AFDN: variants seen among roughly 807,000 people sequenced by gnomAD.
AFDN encodes the protein afadin.
AFDN carries 68 observed loss-of-function variants against 216.6 expected under a neutral mutation model. That is an observed-to-expected ratio of 0.31 (90% CI 0.26 to 0.38). The LOEUF (loss-of-function observed/expected upper bound fraction) is 0.38, where lower values mean the gene tolerates loss of function less well. AFDN is among the 10% of genes least tolerant of loss of function. The pLI is 1.00. For synonymous variants in AFDN, 868 were observed against 853.7 expected, an observed-to-expected ratio of 1.02 and a Z score of -0.29; for missense variants, 2,136 against 2,342.0, an observed-to-expected ratio of 0.91 and a Z score of 1.82.
At chr6:167,923,408 T>G (rs1792072380) in intron 22 of AFDN, among the ~76,000 whole-genome samples, 1 of 152,186 alleles carries the variant, frequency 6.6e-6, no homozygotes, top group Non-Finnish European at 1.5e-5. Flanking sequence ...TTCATACATG[T>G]TAAGAACAAT....
At chr6:167,879,033 G>T (rs999650646) in intron 5 of AFDN, among the ~76,000 whole-genome samples, 1 of 152,146 alleles carries the variant, frequency 6.6e-6, no homozygotes, top group Non-Finnish European at 1.5e-5. Flanking sequence ...TTGTTTTCTT[G>T]TTAGTCTTCT....
chr6:167,950,359 C>A (rs909720652), intron 29 of AFDN, among the ~76,000 whole-genome samples: 1 of 151,922 alleles, frequency 6.6e-6, no homozygotes, highest in African/African-American at 2.4e-5. Context: ...AGATTTTAGA[C>A]TAGCCCTTTG....
At position 167,911,165 on chromosome 6, in the gene AFDN, G is replaced by A; in HGVS notation, c.1831+3G>A. 6.2e-7 allele frequency: 1 copy of A among 1,613,426 alleles called. No individual in the cohort carries two copies. The highest frequency in any genetic ancestry group is 8.5e-7 in the Non-Finnish European group (1 of 1,179,484). On this transcript the variant is annotated splice_donor_region_variant and intron_variant, in intron 14 of 33. Coordinates refer to ENST00000683244, the MANE Select transcript of AFDN (RefSeq NM_001386888.1). ...AAGCATTGAATTCAGGGAAAGTTGT[G>A]AGTAATTTCAGATTTCATTGTCAAT... is the stretch of plus-strand genomic sequence containing the variant.
At position 167,909,723 on chromosome 6, in the gene AFDN, A is replaced by C. The variant is rs542295615; in HGVS notation, c.1770-1378A>C. Among the ~76,000 whole-genome samples, 3 of 152,342 alleles carry C rather than the reference A, an allele frequency of 2.0e-5. No homozygotes were observed. The South Asian group carries it at 6.2e-4, about 32-fold the overall frequency. ...TAAGTATTAGTCTCAGTTTAAGTCAATATTTAACTCAGTAGAGATGTTCAT... is the reference window on the plus strand; with the variant it reads ...TAAGTATTAGTCTCAGTTTAAGTCACTATTTAACTCAGTAGAGATGTTCAT... On this transcript the variant is annotated intron_variant, in intron 13 of 33. Transcript: ENST00000683244.
At chr6:167,891,287 G>C (rs2128340574) in intron 8 of AFDN, among the ~76,000 whole-genome samples, 1 of 151,922 alleles carries the variant, frequency 6.6e-6, no homozygotes, top group South Asian at 2.1e-4. Context: ...TTTAGTGTAT[G>C]GACAATTTTA....
intron 23 of AFDN, among the ~76,000 whole-genome samples, chr6:167,941,977 T>C (rs1794740436): frequency 6.6e-6 from 1 of 152,248 alleles, no homozygotes; most frequent in Non-Finnish European, 1.5e-5. Context: ...GTTGCTTTGT[T>C]AAATTAAGAA....
At chr6:167,883,663 G>A (rs1000557180) in intron 6 of AFDN, among the ~76,000 whole-genome samples, 1 of 152,140 alleles carries the variant, frequency 6.6e-6, no homozygotes, top group Admixed American at 6.6e-5. Flanking sequence ...AAGAAAAAAT[G>A]GACCTACCTT....
At chr6:167,832,099 A>G (rs1259973723) in intron 1 of AFDN, among the ~76,000 whole-genome samples, 1 of 152,240 alleles carries the variant, frequency 6.6e-6, no homozygotes, top group Admixed American at 6.5e-5. Flanking sequence ...GATAGTATAT[A>G]GGATATACCC....
rs539600356 is a variant in AFDN at position 167,962,405 on chromosome 6, A to C, written c.4834-28A>C. On this transcript the variant is annotated intron_variant, in intron 30 of 33. Transcript: ENST00000683244. This position sits in a 1 kb window ranked among gnomAD's most constrained non-coding sequence, Gnocchi z 5.2. The stretch of plus-strand genomic sequence containing the variant: ...TGTCTTGTGCTGGTGGAGTTTGTGG[A>C]GGGAGATTAATGTCAGCCTGTTGTT... 1.6e-5 allele frequency: 25 copies of C among 1,612,106 alleles called. No homozygotes were observed. Among genetic ancestry groups the C allele is most frequent in the African/African-American group, 4.0e-5 (3 of 74,874 alleles).
chr6:167,909,619 G>C (rs1167379182), intron 13 of AFDN, among the ~76,000 whole-genome samples: 1 of 152,122 alleles, frequency 6.6e-6, no homozygotes, highest in East Asian at 1.9e-4. Flanking sequence ...TGTTGTTGAA[G>C]TCACTAATGA....
chr6:167,878,607 G>GTCTCTCTCTCTC (rs10677317), intron 5 of AFDN, among the ~76,000 whole-genome samples: 48 of 149,304 alleles, frequency 3.2e-4, no homozygotes, highest in African/African-American at 1.1e-3. Context: ...CTCTCTCTCT[G>GTCTCTCTCTCTC]TCTCTCTCTC....
Position 167,911,350 on chromosome 6 carries a change from C to T in AFDN, c.1898C>T (p.Ser633Phe), listed in dbSNP as rs1248351214. The T allele has an allele frequency of 6.2e-7, 1 of 1,613,946 alleles. No homozygotes were observed. The highest frequency in any genetic ancestry group is 8.5e-7 in the Non-Finnish European group (1 of 1,179,886). ...AGCTCTACAGTCCACTTTAAGTTGT[C>T]CCCTACATATGTATTATATATGGCA... Reference protein sequence around the residue: ...TNSSTVHFKLSPTYVLYMACR... With the variant: ...TNSSTVHFKLFPTYVLYMACR... Residue 633 changes from serine (S) to phenylalanine (F), a missense_variant, in exon 15 of 34, where the codon TCC (serine) becomes TTC (phenylalanine). Around this residue, in one of 8 missense-constraint regions of AFDN, gnomAD observed 817 missense variants for 965.7 expected, o/e 0.85. Transcript: ENST00000683244.
intron 13 of AFDN, among the ~76,000 whole-genome samples, chr6:167,909,318 T>C (rs934392336): frequency 1.6e-4 from 25 of 152,084 alleles, no homozygotes; most frequent in Admixed American, 3.3e-4. Context: ...GTTATATTTT[T>C]ATTATTTTGT....
chr6:167,869,054 G>T (rs1177408287), intron 2 of AFDN, among the ~76,000 whole-genome samples: 1 of 152,028 alleles, frequency 6.6e-6, no homozygotes, highest in African/African-American at 2.4e-5. Context: ...GGTATTATAG[G>T]TGTGAGTCCA....
chr6:167,837,938 C>T (rs1171015312), intron 1 of AFDN, among the ~76,000 whole-genome samples: 1 of 152,122 alleles, frequency 6.6e-6, no homozygotes, highest in Non-Finnish European at 1.5e-5. Flanking sequence ...TAAAACATCT[C>T]TTCTGTTTTA....
At chr6:167,927,017 C>T (rs1427424504) in intron 23 of AFDN, among the ~76,000 whole-genome samples, 1 of 152,124 alleles carries the variant, frequency 6.6e-6, no homozygotes, top group African/African-American at 2.4e-5. Context: ...TAACACATTA[C>T]CAGCTATATT....
intron 16 of AFDN, 52 bp from the exon 17 acceptor site, chr6:167,914,116 T>G (rs559960141): frequency 2.5e-6 from 4 of 1,593,990 alleles, no homozygotes; most frequent in Non-Finnish European, 3.4e-6. Context: ...CTTTATATTT[T>G]TATTACTTTT....
At chr6:167,935,530 C>A (rs1187008001) in intron 23 of AFDN, among the ~76,000 whole-genome samples, 1 of 152,154 alleles carries the variant, frequency 6.6e-6, no homozygotes, top group Admixed American at 6.5e-5. Flanking sequence ...TTCCTGATGT[C>A]TTTGGAATCT....
intron 22 of AFDN, among the ~76,000 whole-genome samples, chr6:167,924,071 C>T (rs949360814): frequency 6.6e-6 from 1 of 151,806 alleles, no homozygotes; most frequent in Non-Finnish European, 1.5e-5. Flanking sequence ...TTCTAAGATT[C>T]CTCAGGAGAT....
Sources: allele counts gnomAD v4.1 joint callset (sites outside exome capture counted in the v4.1 genomes callset), GRCh38; gene constraint gnomAD v4.1.1; regional missense constraint gnomAD v4.1.1; non-coding constraint Gnocchi (gnomAD v3.1); transcripts MANE v1.5; gene names NCBI Gene and HGNC (gene_info 2026-07-23, HGNC 2026-07-21).